ST8SIA4: variants seen among roughly 807,000 people sequenced by gnomAD.
The protein encoded by ST8SIA4 is ST8 alpha-N-acetyl-neuraminide alpha-2,8-sialyltransferase 4.
ST8SIA4 carries 15 observed loss-of-function variants against 33.9 expected under a neutral mutation model. That is an observed-to-expected ratio of 0.44 (90% CI 0.30 to 0.68). ST8SIA4 has a LOEUF of 0.68. Ranked by LOEUF, ST8SIA4 falls within the 30% of genes least tolerant of loss-of-function variation. The pLI, the probability that ST8SIA4 is intolerant of heterozygous loss-of-function variation, is 0.10. For missense variants in ST8SIA4, 321 were observed against 428.0 expected (o/e 0.75, Z 2.21); for synonymous variants, 171 against 151.2 (o/e 1.13, Z -0.96).
chr5:100,857,453 G>T (rs1210257866), intron 3 of ST8SIA4, among the ~76,000 whole-genome samples: 1 of 151,672 alleles, frequency 6.6e-6, no homozygotes, highest in Non-Finnish European at 1.5e-5. Context: ...AGAAAAGTTA[G>T]ATTTTGATAA....
intron 4 of ST8SIA4, among the ~76,000 whole-genome samples, chr5:100,827,531 A>G (rs1171708301): frequency 1.3e-5 from 2 of 152,236 alleles, no homozygotes; most frequent in Admixed American, 1.3e-4. Flanking sequence ...GTGCATTTGT[A>G]TTCATTCCAC....
rs948983116 is a variant in ST8SIA4, at chr5:100,830,501, T to A, written c.798-18372A>T. Among the ~76,000 whole-genome samples, 3 of 152,342 alleles carry A rather than the reference T, an allele frequency of 2.0e-5. No homozygotes were observed. The South Asian group carries it at 6.2e-4, about 32-fold the overall frequency. ...TGGATTTCAAATTTTTAAAGCCTAATCCATTTCTAAGTTAGAAACTGTCAT... is the reference window on the plus strand; with the variant it reads ...TGGATTTCAAATTTTTAAAGCCTAAACCATTTCTAAGTTAGAAACTGTCAT... On this transcript the variant is annotated intron_variant, in intron 4 of 4. Coordinates refer to ENST00000231461, the MANE Select transcript of ST8SIA4 (RefSeq NM_005668.6).
intron 4 of ST8SIA4, 41 bp downstream of exon 4, chr5:100,856,062 C>A (rs1428917316): frequency 1.9e-6 from 3 of 1,582,984 alleles, no homozygotes; most frequent in Admixed American, 1.7e-5. Flanking sequence ...TATATGTGTT[C>A]CACTGTGCCA....
At chr5:100,880,003 T>C (rs1486123897) in intron 3 of ST8SIA4, among the ~76,000 whole-genome samples, 1 of 152,124 alleles carries the variant, frequency 6.6e-6, no homozygotes, top group Non-Finnish European at 1.5e-5. Flanking sequence ...TATTGAAGTT[T>C]GTATAAGGGA....
intron 2 of ST8SIA4, among the ~76,000 whole-genome samples, chr5:100,891,280 C>CAA (rs3836756): frequency 6.7e-6 from 1 of 149,830 alleles, no homozygotes; most frequent in African/African-American, 2.4e-5. Flanking sequence ...ACACTGACTA[C>CAA]AAAAAAAAAT....
At chr5:100,876,220 AGGGGAAAAT>A (rs1752301318) in intron 3 of ST8SIA4, among the ~76,000 whole-genome samples, 1 of 152,140 alleles carries the variant, frequency 6.6e-6, no homozygotes, top group South Asian at 2.1e-4. Context: ...AGAATCTCAT[AGGGGAAAAT>A]CATCATTTTC....
At chr5:100,820,221 C>A (rs950020991) in intron 4 of ST8SIA4, among the ~76,000 whole-genome samples, 1 of 152,132 alleles carries the variant, frequency 6.6e-6, no homozygotes, top group Non-Finnish European at 1.5e-5. Flanking sequence ...ATAAGGAACA[C>A]GGGAGTTCAT....
chr5:100,886,258 A>G, intron 3 of ST8SIA4, 85 bp downstream of exon 3: 1 of 1,533,518 alleles, frequency 6.5e-7, no homozygotes, highest in Non-Finnish European at 8.7e-7. Context: ...TTTTAGTAAT[A>G]CTTTAAAATT....
intron 1 of ST8SIA4, among the ~76,000 whole-genome samples, chr5:100,900,857 T>C (rs1421877236): frequency 6.6e-6 from 1 of 152,058 alleles, no homozygotes; most frequent in Non-Finnish European, 1.5e-5. Flanking sequence ...ACTCATTCTT[T>C]CCCCCTCGCC....
chr5:100,822,992 G>T (rs550999743), intron 4 of ST8SIA4, among the ~76,000 whole-genome samples: 3 of 152,174 alleles, frequency 2.0e-5, no homozygotes, highest in Admixed American at 2.0e-4. Flanking sequence ...GTAGCCGGGC[G>T]TGGTGGCGGG....
intron 4 of ST8SIA4, among the ~76,000 whole-genome samples, chr5:100,840,903 G>A (rs1425656569): frequency 1.3e-5 from 2 of 151,624 alleles, no homozygotes; most frequent in African/African-American, 2.4e-5. Flanking sequence ...TCTCTAGTAA[G>A]TACCCCTTTC....
chr5:100,847,773 G>C (rs549748450), intron 4 of ST8SIA4, among the ~76,000 whole-genome samples: 2 of 152,030 alleles, frequency 1.3e-5, no homozygotes, highest in Non-Finnish European at 2.9e-5. Flanking sequence ...TCCGTAAGAC[G>C]TAATTTTTCC....
At chr5:100,837,084 A>C (rs1751379040) in intron 4 of ST8SIA4, among the ~76,000 whole-genome samples, 1 of 151,822 alleles carries the variant, frequency 6.6e-6, no homozygotes, top group South Asian at 2.1e-4. Flanking sequence ...TCTACTTTCC[A>C]CTTGCAAAAC....
chr5:100,861,159 T>C (rs1751932319), intron 3 of ST8SIA4, among the ~76,000 whole-genome samples: 1 of 151,942 alleles, frequency 6.6e-6, no homozygotes, highest in African/African-American at 2.4e-5. Flanking sequence ...ATGTTCAGTA[T>C]GATGAATAGG....
chr5:100,878,986 C>T (rs998619721), intron 3 of ST8SIA4, among the ~76,000 whole-genome samples: 5 of 152,018 alleles, frequency 3.3e-5, no homozygotes, highest in South Asian at 2.1e-4. Flanking sequence ...AATCCCGTAC[C>T]GCATGAAAGA....
intron 3 of ST8SIA4, among the ~76,000 whole-genome samples, chr5:100,859,264 T>C (rs1294548015): frequency 6.6e-6 from 1 of 152,088 alleles, no homozygotes; most frequent in African/African-American, 2.4e-5. Context: ...GGTTATAATA[T>C]TCAAAATTAG....
At chr5:100,889,956 C>G (rs528904317) in intron 2 of ST8SIA4, among the ~76,000 whole-genome samples, 1 of 151,660 alleles carries the variant, frequency 6.6e-6, no homozygotes, top group African/African-American at 2.4e-5. Flanking sequence ...ACTTGGAATT[C>G]GATATTTTAC....
chr5:100,889,006 T>C (rs1328808706), intron 2 of ST8SIA4, among the ~76,000 whole-genome samples: 1 of 151,800 alleles, frequency 6.6e-6, no homozygotes, highest in African/African-American at 2.4e-5. Context: ...TTGATAGAAA[T>C]ACCACTGACA....
chr5:100,855,399 C>T (rs1751792472), intron 4 of ST8SIA4, among the ~76,000 whole-genome samples: 1 of 152,106 alleles, frequency 6.6e-6, no homozygotes, highest in Admixed American at 6.5e-5. Flanking sequence ...GTGATCAGCT[C>T]TTCATTTTTG....
Sources: allele counts gnomAD v4.1 joint callset (sites outside exome capture counted in the v4.1 genomes callset), GRCh38; gene constraint gnomAD v4.1.1; transcripts MANE v1.5; gene names NCBI Gene and HGNC (gene_info 2026-07-23, HGNC 2026-07-21).